GNAI3: variants seen among roughly 807,000 people sequenced by gnomAD.
GNAI3 encodes guanine nucleotide-binding protein G(i) subunit alpha-3.
Under a neutral mutation model 41.8 loss-of-function variants are expected in GNAI3, and 12 were observed. That is an observed-to-expected ratio of 0.29 (90% CI 0.18 to 0.47). The LOEUF is 0.47. GNAI3 is among the 20% of genes least tolerant of loss of function. The pLI is 1.00. For synonymous variants in GNAI3, 132 were observed against 146.5 expected, an observed-to-expected ratio of 0.90 and a Z score of 0.71; for missense variants, 360 against 429.6, an observed-to-expected ratio of 0.84 and a Z score of 1.43.
Position 109,592,920 on chromosome 1 carries a change from A to G in GNAI3, c.*598A>G, listed in dbSNP as rs1276883428. ...TGGGGCTATAAATACAACTTTTTAA[A>G]TGAAATTTATGTTATTATCCTGCTC... On this transcript the variant is annotated 3_prime_UTR_variant, in exon 9 of 9. Transcript: ENST00000369851. 1.3e-5 allele frequency: 2 copies of G among 152,624 alleles called. No homozygotes were observed. Among genetic ancestry groups the G allele is most frequent in the Non-Finnish European group, 2.9e-5 (2 of 68,038 alleles). The allele number at this position is 152,624 out of a possible 1,614,324, so 9.5% of individuals were successfully genotyped here. A position where few individuals can be genotyped will look rare whatever the true frequency, so the allele number is the denominator to read the frequency against.
chr1:109,590,544 G>T (rs1450161917), intron 7 of GNAI3, among the ~76,000 whole-genome samples: 11 of 150,856 alleles, frequency 7.3e-5, no homozygotes, highest in Non-Finnish European at 1.5e-4. Flanking sequence ...TTTTCCTTCA[G>T]TTCTTTAAAT....
intron 1 of GNAI3, among the ~76,000 whole-genome samples, chr1:109,552,610 G>A (rs990703440): frequency 6.6e-6 from 1 of 151,716 alleles, no homozygotes; most frequent in Non-Finnish European, 1.5e-5. Flanking sequence ...ATTTTATTTG[G>A]TATAAATACT....
At chr1:109,567,789 A>T (rs1648494647) in intron 1 of GNAI3, among the ~76,000 whole-genome samples, 1 of 152,218 alleles carries the variant, frequency 6.6e-6, no homozygotes, top group South Asian at 2.1e-4. Flanking sequence ...GCTAACATTT[A>T]TGGAACATTT....
At chr1:109,563,838 G>A (rs2101094495) in intron 1 of GNAI3, among the ~76,000 whole-genome samples, 1 of 149,962 alleles carries the variant, frequency 6.7e-6, no homozygotes, top group South Asian at 2.1e-4. Context: ...ATATTGGGAG[G>A]GACACACAGG....
intron 1 of GNAI3, among the ~76,000 whole-genome samples, chr1:109,563,692 A>T (rs975460729): frequency 6.6e-6 from 1 of 152,174 alleles, no homozygotes; most frequent in African/African-American, 2.4e-5. Context: ...TTGGTGAAGG[A>T]TATGAAACTC....
intron 1 of GNAI3, among the ~76,000 whole-genome samples, chr1:109,569,827 C>T (rs574904308): frequency 6.6e-6 from 1 of 150,534 alleles, no homozygotes; most frequent in African/African-American, 2.4e-5. Flanking sequence ...TTTTTTTAAT[C>T]AGCGCATCCA....
At chr1:109,562,819 T>G (rs1184045414) in intron 1 of GNAI3, among the ~76,000 whole-genome samples, 3 of 152,276 alleles carry the variant, frequency 2.0e-5, no homozygotes, top group Non-Finnish European at 2.9e-5. Flanking sequence ...TCCCAAAATT[T>G]TACAATTTTG....
rs747890363 is a variant in GNAI3, at chr1:109,575,534, CTT to C, written c.303+1521_303+1522del. On this transcript the variant is annotated intron_variant, in intron 3 of 8. Coordinates refer to ENST00000369851, the MANE Select transcript of GNAI3 (RefSeq NM_006496.4). ...TATTTATCTCCCTACCCTTTCATTT[CTT>C]TTTTTTTTTTTTTTTTTTTTTTTGG... Among the ~76,000 whole-genome samples, 3 of 52,856 alleles carry C rather than the reference CTT, an allele frequency of 5.7e-5. No individual in the cohort carries two copies. The East Asian group carries it at 1.9e-3, about 33-fold the overall frequency. 34.7% of individuals were successfully genotyped at this position (52,856 alleles called of 152,430 possible). A position where few individuals can be genotyped will look rare whatever the true frequency, so the allele number is the denominator to read the frequency against.
intron 3 of GNAI3, among the ~76,000 whole-genome samples, chr1:109,575,534 CTTTTTTTTTTTTTT>C (rs747890363): frequency 3.8e-5 from 2 of 52,854 alleles, no homozygotes; most frequent in African/African-American, 8.0e-5. Context: ...CCTTTCATTT[CTTTTTTTTTTTTTT>C]TTTTTTTTTT....
intron 3 of GNAI3, 127 bp downstream of exon 3, chr1:109,574,164 T>C: frequency 1.6e-6 from 1 of 628,958 alleles, no homozygotes; most frequent in Non-Finnish European, 2.7e-6. Flanking sequence ...CAAAGTACTT[T>C]GTGCTCACTT....
At chr1:109,571,333 G>A (rs1269115312) in intron 1 of GNAI3, among the ~76,000 whole-genome samples, 2 of 152,198 alleles carry the variant, frequency 1.3e-5, no homozygotes, top group Admixed American at 6.5e-5. Context: ...GCCAAGATTA[G>A]AGATCTAAAT....
intron 1 of GNAI3, 96 bp from the exon 2 acceptor site, chr1:109,573,641 C>G: frequency 9.9e-7 from 1 of 1,012,730 alleles, no homozygotes; most frequent in Non-Finnish European, 1.5e-6. Context: ...CCCTAGGACC[C>G]GTGGTTTTCA....
intron 1 of GNAI3, among the ~76,000 whole-genome samples, chr1:109,558,993 A>G (rs1202197714): frequency 6.6e-6 from 1 of 152,088 alleles, no homozygotes; most frequent in Non-Finnish European, 1.5e-5. Context: ...CCTGGCCAGC[A>G]TGGTGAAACT....
chr1:109,577,346 A>G (rs950531185), intron 3 of GNAI3, among the ~76,000 whole-genome samples: 5 of 145,190 alleles, frequency 3.4e-5, no homozygotes, highest in African/African-American at 1.3e-4. Context: ...GCACCATCTC[A>G]GCTCACTGCA....
At chr1:109,565,169 C>A (rs1265123388) in intron 1 of GNAI3, among the ~76,000 whole-genome samples, 2 of 149,574 alleles carry the variant, frequency 1.3e-5, no homozygotes, top group Non-Finnish European at 2.9e-5. Flanking sequence ...GAGGCTGAGA[C>A]AGAGAATCAC....
chr1:109,560,636 TG>T (rs1654913243), intron 1 of GNAI3, among the ~76,000 whole-genome samples: 1 of 152,194 alleles, frequency 6.6e-6, no homozygotes, highest in Non-Finnish European at 1.5e-5. Context: ...AAAAGTACTC[TG>T]TATTCAGTGC....
chr1:109,585,272 C>CTA (rs1224145922), intron 5 of GNAI3, among the ~76,000 whole-genome samples: 2 of 152,162 alleles, frequency 1.3e-5, no homozygotes, highest in African/African-American at 4.8e-5. Flanking sequence ...GATCTTTTTA[C>CTA]TATAGGAGGT....
intron 1 of GNAI3, among the ~76,000 whole-genome samples, chr1:109,549,091 T>G (rs1309110005): frequency 3.9e-5 from 6 of 152,054 alleles, no homozygotes; most frequent in Admixed American, 2.6e-4. Flanking sequence ...GCAGAGAGAC[T>G]TGGGAGTATG....
intron 2 of GNAI3, 33 bp downstream of exon 2, chr1:109,573,812 G>C: frequency 6.2e-7 from 1 of 1,600,774 alleles, no homozygotes. Flanking sequence ...GTTAGACTAG[G>C]ATTTCTCCTA....
Sources: gnomAD v4.1 joint callset for allele counts (sites outside exome capture counted in the v4.1 genomes callset) on GRCh38, gnomAD v4.1.1 for gene constraint, MANE v1.5 for transcripts, NCBI Gene and HGNC (gene_info 2026-07-23, HGNC 2026-07-21) for gene names.